Variants in CUL5 observed in about 807,000 individuals in gnomAD.
CUL5 encodes cullin 5, also known as cullin-5.
In CUL5, 26 loss-of-function variants were observed where a neutral mutation model predicts 108.8. The ratio of observed to expected loss-of-function variants is 0.24; its 90% CI spans 0.18 to 0.33. The LOEUF is 0.33. Among genes scored for constraint, CUL5 ranks in the 10% least tolerant of loss-of-function variants. The pLI is 1.00. For missense variants in CUL5, 524 were observed against 909.2 expected (o/e 0.58, Z 5.45); for synonymous variants, 334 against 298.0 (o/e 1.12, Z -1.25).
At chr11:108,023,117 C>T (rs1039984901) in intron 1 of CUL5, among the ~76,000 whole-genome samples, 2 of 152,070 alleles carry the variant, frequency 1.3e-5, no homozygotes, top group African/African-American at 4.8e-5. Context: ...GTGGCACATG[C>T]CTGTAATCCC....
intron 1 of CUL5, among the ~76,000 whole-genome samples, chr11:108,019,497 A>G (rs1176995040): frequency 2.0e-5 from 3 of 152,202 alleles, no homozygotes; most frequent in Admixed American, 1.3e-4. Flanking sequence ...TTGGTCAACA[A>G]CGGATCACAT....
At chr11:108,019,225 C>G (rs1862273437) in intron 1 of CUL5, among the ~76,000 whole-genome samples, 1 of 151,614 alleles carries the variant, frequency 6.6e-6, no homozygotes, top group Admixed American at 6.6e-5. Flanking sequence ...GGGGTGGATC[C>G]TGGAATCATT....
At chr11:108,044,382 GC>G (rs1863012962) in intron 2 of CUL5, among the ~76,000 whole-genome samples, 2 of 151,986 alleles carry the variant, frequency 1.3e-5, no homozygotes, top group Non-Finnish European at 2.9e-5. Flanking sequence ...AGACATGGTG[GC>G]ACATACCTGT....
intron 13 of CUL5, among the ~76,000 whole-genome samples, 199 bp from the exon 14 acceptor site, chr11:108,094,192 C>A (rs974671355): frequency 5.3e-5 from 8 of 152,076 alleles, no homozygotes; most frequent in African/African-American, 1.9e-4. Flanking sequence ...ACTAAAAATG[C>A]GCAAAGCAGG....
intron 9 of CUL5, among the ~76,000 whole-genome samples, 155 bp from the exon 10 acceptor site, chr11:108,073,235 G>T (rs1863867840): frequency 6.6e-6 from 1 of 150,734 alleles, no homozygotes. Context: ...AAAAAGAAGT[G>T]GCAAAACAGT....
chr11:108,052,479 C>T (rs1388845110), intron 4 of CUL5, among the ~76,000 whole-genome samples, 181 bp from the exon 5 acceptor site: 1 of 152,040 alleles, frequency 6.6e-6, no homozygotes, highest in Non-Finnish European at 1.5e-5. Flanking sequence ...CCAGGCTGGT[C>T]TTGAACTCAT....
At chr11:108,069,811 G>A (rs558610876) in intron 7 of CUL5, among the ~76,000 whole-genome samples, 39 of 152,298 alleles carry the variant, frequency 2.6e-4, no homozygotes, top group African/African-American at 9.4e-4. Context: ...GACAGGAAGA[G>A]TTAATCAAAG....
intron 10 of CUL5, among the ~76,000 whole-genome samples, chr11:108,076,619 A>G (rs1162320965): frequency 1.3e-5 from 2 of 152,058 alleles, no homozygotes; most frequent in Non-Finnish European, 2.9e-5. Flanking sequence ...TTATCCATTG[A>G]TGGACGCTGA....
intron 1 of CUL5, among the ~76,000 whole-genome samples, chr11:108,030,444 C>G (rs1455665729): frequency 7.2e-5 from 11 of 152,126 alleles, no homozygotes; most frequent in African/African-American, 2.4e-4. Context: ...TTGAGACCAG[C>G]CTGATGAACA....
chr11:108,016,000 C>T (rs1236407375), intron 1 of CUL5, among the ~76,000 whole-genome samples: 1 of 152,126 alleles, frequency 6.6e-6, no homozygotes, highest in African/African-American at 2.4e-5. Context: ...TGGCTCACTG[C>T]AGTCTTGATC....
chr11:108,103,863 G>T (rs1223485335), intron 18 of CUL5, among the ~76,000 whole-genome samples: 2 of 151,926 alleles, frequency 1.3e-5, no homozygotes, highest in Non-Finnish European at 2.9e-5. Flanking sequence ...GAATGTGCAG[G>T]TTTGTTACAT....
At chr11:108,047,588 ATCTAT>A (rs566938194) in intron 3 of CUL5, among the ~76,000 whole-genome samples, 10 of 152,218 alleles carry the variant, frequency 6.6e-5, no homozygotes, top group Admixed American at 2.0e-4. Context: ...AGTAAGACTA[ATCTAT>A]TGGATATTAC....
chr11:108,032,046 G>C (rs937989013), intron 1 of CUL5, among the ~76,000 whole-genome samples: 3 of 152,082 alleles, frequency 2.0e-5, no homozygotes, highest in Admixed American at 6.5e-5. Flanking sequence ...GGAGGGAGAG[G>C]ATCAGGAAAA....
intron 2 of CUL5, among the ~76,000 whole-genome samples, chr11:108,041,568 G>A (rs1336759560): frequency 6.6e-6 from 1 of 151,126 alleles, no homozygotes; most frequent in African/African-American, 2.4e-5. Flanking sequence ...GAGCCACCAT[G>A]CCCACACCCG....
intron 11 of CUL5, among the ~76,000 whole-genome samples, 183 bp from the exon 12 acceptor site, chr11:108,088,344 G>C (rs553473746): frequency 6.6e-6 from 1 of 152,148 alleles, no homozygotes; most frequent in African/African-American, 2.4e-5. Context: ...TCAGCACTTA[G>C]GGGAACGTAA....
intron 7 of CUL5, among the ~76,000 whole-genome samples, chr11:108,063,651 A>C (rs1268634159): frequency 8.1e-5 from 1 of 12,386 alleles, no homozygotes; most frequent in East Asian, 0.021. Flanking sequence ...AAAATTAATA[A>C]AATTTAAAAA....
At chr11:108,099,874 A>G (rs1864606747) in intron 18 of CUL5, among the ~76,000 whole-genome samples, 1 of 151,362 alleles carries the variant, frequency 6.6e-6, no homozygotes, top group Non-Finnish European at 1.5e-5. Flanking sequence ...ATATTCTTCC[A>G]TTAAAGGTTG....
chr11:108,094,956 T>G lies in CUL5; in HGVS notation c.1712T>G (p.Leu571Ter). The stretch of plus-strand genomic sequence containing the variant: ...AAAAAAAATCATAGTGGTAGAAAAT[T>G]ACATTGGCATCATCTCATGTCAAAT... ...FYKKNHSGRK[L>*]HWHHLMSNGI... The change falls in exon 15 of 19, where the codon TTA (leucine) becomes TGA (stop). Residue 571 changes from leucine to a stop codon, truncating the protein, a stop_gained. Transcript: ENST00000393094. LOFTEE classifies it high-confidence loss of function. The G allele has an allele frequency of 6.2e-7, 1 of 1,612,068 alleles. No homozygotes were observed.
intron 2 of CUL5, among the ~76,000 whole-genome samples, chr11:108,044,037 A>G (rs1016184599): frequency 3.3e-5 from 5 of 152,130 alleles, no homozygotes; most frequent in African/African-American, 4.8e-5. Context: ...ATAAATAAAT[A>G]AATAGTATCT....
Sources: allele counts gnomAD v4.1 joint callset (sites outside exome capture counted in the v4.1 genomes callset), GRCh38; gene constraint gnomAD v4.1.1; transcripts MANE v1.5; gene names NCBI Gene and HGNC (gene_info 2026-07-23, HGNC 2026-07-21).